Variants in LRRC7 observed in about 807,000 individuals in gnomAD.
LRRC7 encodes leucine rich repeat containing 7, also known as leucine-rich repeat-containing protein 7.
Under a neutral mutation model 175.7 loss-of-function variants are expected in LRRC7, and 23 were observed. The observed-to-expected ratio is 0.13, with a 90% CI of 0.09 to 0.19. LRRC7 has a LOEUF of 0.19. LRRC7 is among the 10% of genes least tolerant of loss of function. The probability of loss-of-function intolerance (pLI) is 1.00; values close to 1 mark genes in which losing one functional copy is unlikely to be tolerated. For synonymous variants in LRRC7, 685 were observed against 680.9 expected (o/e 1.01, Z -0.09); for missense variants, 1,354 against 1,904.7 (o/e 0.71, Z 5.38).
intron 2 of LRRC7, among the ~76,000 whole-genome samples, chr1:69,722,336 C>T (rs140506944): frequency 8.5e-5 from 13 of 152,102 alleles, no homozygotes; most frequent in Middle Eastern, 3.4e-3. Context: ...CTTTTGCTAT[C>T]ATGAACATAG....
intron 2 of LRRC7, among the ~76,000 whole-genome samples, chr1:69,732,227 T>C (rs1331792054): frequency 6.6e-6 from 1 of 152,014 alleles, no homozygotes; most frequent in Non-Finnish European, 1.5e-5. Context: ...AAGCTAAATA[T>C]TTTTTTAAAT....
At chr1:69,575,284 G>A (rs181942016) in intron 1 of LRRC7, among the ~76,000 whole-genome samples, 3 of 152,078 alleles carry the variant, frequency 2.0e-5, no homozygotes, top group Non-Finnish European at 2.9e-5. Flanking sequence ...TCTTACACCC[G>A]AGCAAAGTAG....
At chr1:69,875,141 T>A (rs1685929760) in intron 7 of LRRC7, 1 of 152,088 alleles carries the variant, frequency 6.6e-6, no homozygotes, top group Non-Finnish European at 1.5e-5. Flanking sequence ...AAGAGATTGC[T>A]TAAAACATTC....
intron 1 of LRRC7, among the ~76,000 whole-genome samples, chr1:69,577,792 A>G (rs1236977132): frequency 3.9e-5 from 6 of 152,108 alleles, no homozygotes; most frequent in Admixed American, 3.3e-4. Flanking sequence ...GCCTTGTAGT[A>G]TAGTTTGAAG....
At chr1:69,801,729 AT>A (rs1016880374) in intron 4 of LRRC7, among the ~76,000 whole-genome samples, 2 of 145,568 alleles carry the variant, frequency 1.4e-5, no homozygotes, top group Non-Finnish European at 3.0e-5. Flanking sequence ...TTCTGCTCTG[AT>A]TTTTTTTATT....
chr1:69,929,616 A>C (rs576410142), intron 7 of LRRC7, among the ~76,000 whole-genome samples: 2 of 152,334 alleles, frequency 1.3e-5, no homozygotes, highest in South Asian at 2.1e-4. Flanking sequence ...GAAAGAAGTA[A>C]AATAGATTCA....
At chr1:69,939,031 CTA>C (rs1245921796) in intron 8 of LRRC7, among the ~76,000 whole-genome samples, 1 of 58,256 alleles carries the variant, frequency 1.7e-5, no homozygotes, top group African/African-American at 5.2e-5. Context: ...ATATATATAT[CTA>C]TATATATCTA....
intron 11 of LRRC7, among the ~76,000 whole-genome samples, chr1:69,996,758 AT>A (rs1244426742): frequency 3.4e-4 from 51 of 152,038 alleles, no homozygotes; most frequent in Non-Finnish European, 6.3e-4. Flanking sequence ...GTTGATCTAT[AT>A]CTCTGTTTTG....
Position 69,687,307 on chromosome 1 carries a change from G to A in LRRC7, c.100+8829G>A, listed in dbSNP as rs1348535495. On this transcript the variant is annotated intron_variant, in intron 2 of 26. Coordinates refer to ENST00000651989, the MANE Select transcript of LRRC7 (RefSeq NM_001370785.2). ...GTGAATCACCAGAGGTCGGGAATTC[G>A]ACACCAGTCTGGCCAAGATGGCGAA... Among the ~76,000 whole-genome samples the A allele has an allele frequency of 6.6e-5, 10 of 151,858 alleles. No individual in the cohort carries two copies. In the East Asian group the frequency reaches 1.5e-3, roughly 23 times the overall value.
intron 25 of LRRC7, among the ~76,000 whole-genome samples, chr1:70,106,967 T>C (rs536620672): frequency 1.3e-5 from 2 of 152,362 alleles, no homozygotes; most frequent in African/African-American, 4.8e-5. Context: ...ACAATGTTTA[T>C]AATTATTGGT....
intron 5 of LRRC7, among the ~76,000 whole-genome samples, chr1:69,832,679 A>G (rs1424862158): frequency 6.6e-6 from 1 of 152,194 alleles, no homozygotes; most frequent in African/African-American, 2.4e-5. Flanking sequence ...TCTAGTAAAC[A>G]TAGACTTGCA....
At chr1:69,733,688 A>G (rs1286179883) in intron 2 of LRRC7, among the ~76,000 whole-genome samples, 1 of 151,986 alleles carries the variant, frequency 6.6e-6, no homozygotes, top group African/African-American at 2.4e-5. Context: ...CTATCAAACC[A>G]TTCTTTGCTA....
At chr1:69,651,545 T>C (rs1655831291) in intron 1 of LRRC7, among the ~76,000 whole-genome samples, 1 of 152,088 alleles carries the variant, frequency 6.6e-6, no homozygotes, top group Non-Finnish European at 1.5e-5. Flanking sequence ...AATGACATAA[T>C]AAGAAGTCCT....
At chr1:69,977,016 G>A (rs1652884863) in intron 8 of LRRC7, among the ~76,000 whole-genome samples, 1 of 152,128 alleles carries the variant, frequency 6.6e-6, no homozygotes, top group African/African-American at 2.4e-5. Flanking sequence ...GATCAAAACT[G>A]ATTTCAGTCT....
intron 11 of LRRC7, among the ~76,000 whole-genome samples, chr1:70,001,964 C>G (rs1655577332): frequency 6.6e-6 from 1 of 152,132 alleles, no homozygotes; most frequent in South Asian, 2.1e-4. Flanking sequence ...AGTCACCAGA[C>G]TTCAATGCCA....
At chr1:69,710,718 C>T (rs1019255752) in intron 2 of LRRC7, among the ~76,000 whole-genome samples, 2 of 152,126 alleles carry the variant, frequency 1.3e-5, no homozygotes, top group African/African-American at 2.4e-5. Context: ...TACTGAGTGG[C>T]CCTCTTCCGG....
chr1:69,687,566 G>T (rs1255794612), intron 2 of LRRC7, among the ~76,000 whole-genome samples: 1 of 120,394 alleles, frequency 8.3e-6, no homozygotes, highest in Non-Finnish European at 1.9e-5. Flanking sequence ...AGAAAAAAGA[G>T]AAATTATTAT....
chr1:69,924,751 A>T (rs1440867523), intron 7 of LRRC7, among the ~76,000 whole-genome samples: 4 of 152,182 alleles, frequency 2.6e-5, no homozygotes, highest in Non-Finnish European at 5.9e-5. Flanking sequence ...GCAAACAGGG[A>T]CAATTTGACT....
chr1:70,033,203 C>T (rs761965074), intron 18 of LRRC7, among the ~76,000 whole-genome samples: 8 of 152,152 alleles, frequency 5.3e-5, no homozygotes, highest in Non-Finnish European at 7.3e-5. Flanking sequence ...CAGTTCAAAT[C>T]TTGGCTTTAC....
Sources: allele counts gnomAD v4.1 joint callset (sites outside exome capture counted in the v4.1 genomes callset), GRCh38; gene constraint gnomAD v4.1.1; transcripts MANE v1.5; gene names NCBI Gene and HGNC (gene_info 2026-07-23, HGNC 2026-07-21).